DSCAML1: variants seen among roughly 807,000 people sequenced by gnomAD.
DSCAML1 encodes cell adhesion molecule DSCAML1.
Under a neutral mutation model 200.5 loss-of-function variants are expected in DSCAML1, and 38 were observed. That is an observed-to-expected ratio of 0.19 (90% CI 0.15 to 0.25). DSCAML1 has a LOEUF of 0.25. Ranked by LOEUF, DSCAML1 falls within the 10% of genes least tolerant of loss-of-function variation. DSCAML1 has a pLI of 1.00. For missense variants in DSCAML1, 2,223 were observed against 2,858.8 expected, an observed-to-expected ratio of 0.78 and a Z score of 5.07; for synonymous variants, 1,215 against 1,165.0, an observed-to-expected ratio of 1.04 and a Z score of -0.87.
intron 3 of DSCAML1, among the ~76,000 whole-genome samples, chr11:117,633,848 T>G (rs2052224063): frequency 6.6e-6 from 1 of 152,180 alleles, no homozygotes; most frequent in Non-Finnish European, 1.5e-5. Flanking sequence ...CAGACTTTGA[T>G]GCCTGCTAAG....
intron 3 of DSCAML1, among the ~76,000 whole-genome samples, chr11:117,644,137 C>G (rs116449992): frequency 6.6e-6 from 1 of 152,206 alleles, no homozygotes; most frequent in Non-Finnish European, 1.5e-5. Context: ...GCCGCCCGGT[C>G]GGCCTGCCCC....
At chr11:117,784,342 T>C (rs1232694688) in intron 1 of DSCAML1, among the ~76,000 whole-genome samples, 1 of 152,182 alleles carries the variant, frequency 6.6e-6, no homozygotes, top group Non-Finnish European at 1.5e-5. Context: ...GCAGAAACCC[T>C]TAAATCACCA....
rs1458152846 is a variant in DSCAML1 at position 117,524,806 on chromosome 11, A to G, written c.936T>C (p.Ile312=). ...SAEATGILMV[I]DPLHVTLTPK... is the part of the protein sequence containing the mutation. ...GCAGAAGGGGCTTCCCCGACTCACC[A>G]ATGACCATGAGGATGCCTGTGGCCT... The change falls in exon 5 of 33, where the codon ATT becomes ATC. Residue 312 remains isoleucine (I), a splice_region_variant and synonymous_variant. Coordinates refer to ENST00000651296, the MANE Select transcript of DSCAML1 (RefSeq NM_020693.4). 2 of 1,578,450 alleles carry G rather than the reference A, an allele frequency of 1.3e-6. No homozygotes were observed. The highest frequency in any genetic ancestry group is 8.6e-7 in the Non-Finnish European group (1 of 1,160,880).
Position 117,481,159 on chromosome 11 carries a change from G to A in DSCAML1, c.2656+15C>T. ...TGGGGAGGTGGGATGGGAAGGGTGGGGCAGGTGAAGGTACCTTGCACAGTG... is the reference window on the plus strand; with the variant it reads ...TGGGGAGGTGGGATGGGAAGGGTGGAGCAGGTGAAGGTACCTTGCACAGTG... On this transcript the variant is annotated intron_variant, in intron 13 of 32. Coordinates refer to ENST00000651296, the MANE Select transcript of DSCAML1 (RefSeq NM_020693.4). The A allele has an allele frequency of 1.2e-6, 2 of 1,612,604 alleles. No individual in the cohort carries two copies. Among genetic ancestry groups the A allele is most frequent in the Non-Finnish European group, 1.7e-6 (2 of 1,178,880 alleles).
At chr11:117,739,190 A>T (rs902264354) in intron 3 of DSCAML1, among the ~76,000 whole-genome samples, 6 of 152,220 alleles carry the variant, frequency 3.9e-5, no homozygotes, top group Non-Finnish European at 4.4e-5. Context: ...GTCACTAATA[A>T]CAGGCAGGGA....
Position 117,428,542 on chromosome 11 carries a change from G to A in DSCAML1, c.5948C>T (p.Thr1983Ile). Residue 1983 changes from threonine to isoleucine, a missense_variant, in exon 33 of 33, where the codon ACA (threonine) becomes ATA (isoleucine). Physicochemically the swap from Thr to Ile is moderately conservative, Grantham distance 89. Around this residue, in one of 7 missense-constraint regions of DSCAML1, gnomAD observed 280 missense variants for 213.4 expected, o/e 1.31. Coordinates refer to ENST00000651296, the MANE Select transcript of DSCAML1 (RefSeq NM_020693.4). Reference sequence around the variant, plus strand: ...GGTGGGGCCGGGGGCTGGGGGGGCTGTGCCGGCTGGGGGGGCTGGCATGGC... The same window carrying A: ...GGTGGGGCCGGGGGCTGGGGGGGCTATGCCGGCTGGGGGGGCTGGCATGGC... ...TLAMPAPPAGTAPPAPGPTPA... is the reference protein window; with the variant it reads ...TLAMPAPPAGIAPPAPGPTPA... 1.3e-6 allele frequency: 2 copies of A among 1,525,426 alleles called. No homozygotes were observed. The highest frequency in any genetic ancestry group is 2.4e-5 in the East Asian group (1 of 40,846). The allele number at this position is 1,525,426 out of a possible 1,614,324, so 94.5% of individuals were successfully genotyped here.
rs1238445257 is a variant in DSCAML1, at chr11:117,780,286, A to AAG, written c.364+205_364+206dup. Among the ~76,000 whole-genome samples, 5 of 96,840 alleles carry AAG rather than the reference A, an allele frequency of 5.2e-5. No homozygotes were observed. The highest frequency in any genetic ancestry group is 2.7e-4 in the East Asian group (1 of 3,660). 63.5% of individuals were successfully genotyped at this position (96,840 alleles called of 152,430 possible). On this transcript the variant is annotated intron_variant, in intron 2 of 32. Coordinates refer to ENST00000651296, the MANE Select transcript of DSCAML1 (RefSeq NM_020693.4). The surrounding 1 kb of genome is among the most constrained non-coding windows in gnomAD (Gnocchi z 4.8). Reference sequence around the variant, plus strand: ...AAAGAAAGAAAGAAAGAAAGAAAGAAAGAAAGAAAGAAAGAAAGAGAGAAA... The same window carrying AAG: ...AAAGAAAGAAAGAAAGAAAGAAAGAAAGAGAAAGAAAGAAAGAAAGAGAGAAA...
At chr11:117,763,551 G>T (rs1264083257) in intron 3 of DSCAML1, among the ~76,000 whole-genome samples, 1 of 151,968 alleles carries the variant, frequency 6.6e-6, no homozygotes, top group Non-Finnish European at 1.5e-5. Flanking sequence ...ATTGCCCTTC[G>T]ATACATACAA....
At chr11:117,792,149 G>A (rs12294117) in intron 1 of DSCAML1, among the ~76,000 whole-genome samples, 35,261 of 152,014 alleles carry the variant, frequency 0.23, 4,247 homozygotes, top group African/African-American at 0.3. Context: ...CTCTACCTCT[G>A]TCCATCCCCT....
At chr11:117,769,076 A>AG (rs71037494) in intron 3 of DSCAML1, among the ~76,000 whole-genome samples, 1 of 128,008 alleles carries the variant, frequency 7.8e-6, no homozygotes, top group Admixed American at 1.0e-4. Context: ...ATATATATAT[A>AG]ATCTATATAT....
At chr11:117,781,622 A>G (rs964789823) in intron 1 of DSCAML1, among the ~76,000 whole-genome samples, 8 of 152,202 alleles carry the variant, frequency 5.3e-5, no homozygotes, top group African/African-American at 1.7e-4. Context: ...GGTGGATAAG[A>G]TCTAGACTTA....
At chr11:117,582,291 A>G (rs898958394) in intron 3 of DSCAML1, among the ~76,000 whole-genome samples, 3 of 152,190 alleles carry the variant, frequency 2.0e-5, no homozygotes, top group Non-Finnish European at 2.9e-5. Flanking sequence ...ACTGTTCTCT[A>G]TTCCTTTGGA....
chr11:117,550,234 G>A (rs2050445063), intron 3 of DSCAML1, among the ~76,000 whole-genome samples: 1 of 152,130 alleles, frequency 6.6e-6, no homozygotes, highest in South Asian at 2.1e-4. Context: ...TACATGCATT[G>A]CCTCAATTTC....
intron 3 of DSCAML1, among the ~76,000 whole-genome samples, chr11:117,660,451 G>A (rs1357156316): frequency 2.0e-5 from 3 of 152,192 alleles, no homozygotes; most frequent in African/African-American, 4.8e-5. Flanking sequence ...TAATCTCTGA[G>A]TTCCTTCCCT....
At chr11:117,545,130 C>T (rs188248991) in intron 3 of DSCAML1, among the ~76,000 whole-genome samples, 42 of 151,772 alleles carry the variant, frequency 2.8e-4, no homozygotes, top group African/African-American at 8.5e-4. Context: ...CTCGGGAGGC[C>T]GAGGCAGGAG....
chr11:117,592,450 C>A (rs1009042526), intron 3 of DSCAML1, among the ~76,000 whole-genome samples: 4 of 152,080 alleles, frequency 2.6e-5, no homozygotes, highest in African/African-American at 7.2e-5. Context: ...CCTGGAAGCC[C>A]CCTGAGGGCT....
chr11:117,664,265 TACA>T (rs1591376454), intron 3 of DSCAML1, among the ~76,000 whole-genome samples: 1 of 152,254 alleles, frequency 6.6e-6, no homozygotes, highest in Non-Finnish European at 1.5e-5. Flanking sequence ...TAGCCAAATC[TACA>T]ACAATGACAC....
chr11:117,502,588 C>T (rs756177784), intron 11 of DSCAML1, among the ~76,000 whole-genome samples: 5 of 152,170 alleles, frequency 3.3e-5, no homozygotes, highest in Admixed American at 6.5e-5. Context: ...CTGAGCTGAA[C>T]GCGGGCTTTG....
rs146100023 is a variant in DSCAML1 at position 117,734,687 on chromosome 11, G to A, written c.511+42104C>T. Among the ~76,000 whole-genome samples, 937 of 152,286 alleles carry A rather than the reference G, an allele frequency of 6.2e-3. 2 individuals carry two copies. Among genetic ancestry groups the A allele is most frequent in the South Asian group, 0.023 (112 of 4,828 alleles). On this transcript the variant is annotated intron_variant, in intron 3 of 32. Transcript: ENST00000651296. ...CTGTTCTCTTTTGTAAGCTCCAGAGGGGGCAGGGACTATGCCTGTTTTGTT... is the reference window on the plus strand; with the variant it reads ...CTGTTCTCTTTTGTAAGCTCCAGAGAGGGCAGGGACTATGCCTGTTTTGTT...
Sources: allele counts gnomAD v4.1 joint callset (sites outside exome capture counted in the v4.1 genomes callset), GRCh38; gene constraint gnomAD v4.1.1; regional missense constraint gnomAD v4.1.1; non-coding constraint Gnocchi (gnomAD v3.1); transcripts MANE v1.5; gene names NCBI Gene and HGNC (gene_info 2026-07-23, HGNC 2026-07-21).